CYP2E1: variants seen among roughly 807,000 people sequenced by gnomAD.
CYP2E1 encodes cytochrome P450 family 2 subfamily E member 1.
In CYP2E1, 31 loss-of-function variants were observed where a neutral mutation model predicts 42.9. The ratio of observed to expected loss-of-function variants is 0.72; its 90% confidence interval spans 0.54 to 0.98. CYP2E1 has a LOEUF of 0.98. CYP2E1 is among the 50% of genes least tolerant of loss of function. The pLI, the probability that CYP2E1 is intolerant of heterozygous loss-of-function variation, is 0.00. For missense variants in CYP2E1, 565 were observed against 633.2 expected (o/e 0.89, Z 1.16); for synonymous variants, 244 against 248.9 (o/e 0.98, Z 0.19).
In CYP2E1 at chr10:133,532,400, C is replaced by G. The variant is rs576234120; in HGVS notation, c.648+116C>G. 16 of 1,042,412 alleles carry G rather than the reference C, an allele frequency of 1.5e-5. No homozygotes were observed. In the Admixed American group the frequency reaches 2.3e-4, roughly 15 times the overall value. 64.6% of individuals were successfully genotyped at this position (1,042,412 alleles called of 1,614,324 possible). On this transcript the variant is annotated intron_variant, in intron 4 of 8. Transcript: ENST00000252945. ...CTGCAAAAGCCAAACAACATAGCTT[C>G]GAGGGGTGTTTGATTAGACAGCCCA...
In CYP2E1 at chr10:133,531,710, C is replaced by T. The variant is rs1255938393; in HGVS notation, c.463C>T (p.Leu155=). The change falls in exon 3 of 9, where the codon CTG becomes TTG. Residue 155 remains leucine (L), a synonymous_variant. Transcript: ENST00000252945. ...GATCCAGAGGGAGGCCCACTTCCTG[C>T]TGGAAGCACTCAGGAAGACCCAAGG... ...SRIQREAHFL[L]EALRKTQGQP... The T allele has an allele frequency of 3.7e-6, 6 of 1,605,386 alleles. No homozygotes were observed. Among genetic ancestry groups the T allele is most frequent in the African/African-American group, 1.3e-5 (1 of 74,856 alleles).
At chr10:133,531,204 CGATA>C (rs1564847858) in intron 2 of CYP2E1, among the ~76,000 whole-genome samples, 1 of 151,898 alleles carries the variant, frequency 6.6e-6, no homozygotes, top group African/African-American at 2.4e-5. Context: ...AGAATGTTGT[CGATA>C]GATAGGAAAG....
chr10:133,533,006 T>G, intron 5 of CYP2E1, 138 bp downstream of exon 5: 1 of 836,484 alleles, frequency 1.2e-6, no homozygotes. Context: ...CACACACTCT[T>G]GGCTTCAGCA....
intron 1 of CYP2E1, chr10:133,528,195 G>A: frequency 3.0e-6 from 1 of 337,476 alleles, no homozygotes; most frequent in Non-Finnish European, 5.5e-6. Flanking sequence ...GCGCGCCTGA[G>A]GGAAGGGACG....
Position 133,532,819 on chromosome 10 carries a change from C to T in CYP2E1, c.776C>T (p.Pro259Leu). ...RVKEHHQSLD[P>L]NCPRDLTDCL... ...AAGGAGCACCATCAATCTCTGGACC[C>T]CAACTGTCCCCGGGACCTCACCGAC... Residue 259 changes from proline to leucine, a missense_variant, in exon 5 of 9, where the codon CCC becomes CTC. Coordinates refer to ENST00000252945, the MANE Select transcript of CYP2E1 (RefSeq NM_000773.4). The T allele has an allele frequency of 1.2e-6, 2 of 1,613,052 alleles. No individual in the cohort carries two copies. The highest frequency in any genetic ancestry group is 2.7e-5 in the African/African-American group (2 of 74,936).
At chr10:133,527,730 C>G (rs1851287273) in intron 1 of CYP2E1, among the ~76,000 whole-genome samples, 158 bp downstream of exon 1, 1 of 152,336 alleles carries the variant, frequency 6.6e-6, no homozygotes, top group East Asian at 1.9e-4. Flanking sequence ...CAAAATGTGT[C>G]GCCTGTGGTG....
intron 6 of CYP2E1, among the ~76,000 whole-genome samples, chr10:133,536,733 ATGGATGGGTGGGTGGG>A (rs1851406890): frequency 5.3e-5 from 1 of 18,920 alleles, no homozygotes; most frequent in African/African-American, 7.5e-5. Context: ...GGATGGTTGG[ATGGATGGGTGGGTGGG>A]TGGATGGATG....
chr10:133,538,708 T>C, intron 8 of CYP2E1, 72 bp from the exon 9 acceptor site: 2 of 1,373,746 alleles, frequency 1.5e-6, no homozygotes, highest in South Asian at 1.3e-5. Context: ...CCGCTTCCCC[T>C]AGTCTCACTG....
intron 2 of CYP2E1, among the ~76,000 whole-genome samples, chr10:133,531,262 G>A (rs1387073244): frequency 1.3e-5 from 2 of 152,168 alleles, no homozygotes; most frequent in Admixed American, 1.3e-4. Flanking sequence ...GTTTTATGTA[G>A]CATGGGGAAG....
In CYP2E1 at chr10:133,537,365, A is replaced by G. The variant is rs554134088; in HGVS notation, c.1155+115A>G. ...CCCTTCCCTTTGGCAGGGGTCACTG[A>G]GGGGAAGGGCTGGCCCCACTCCCAC... On this transcript the variant is annotated intron_variant, in intron 7 of 8. Coordinates refer to ENST00000252945, the MANE Select transcript of CYP2E1 (RefSeq NM_000773.4). The G allele has an allele frequency of 1.0e-5, 11 of 1,098,610 alleles. No individual in the cohort carries two copies. The South Asian group carries it at 1.7e-4, about 17-fold the overall frequency. 68.1% of individuals were successfully genotyped at this position (1,098,610 alleles called of 1,614,324 possible). A position where few individuals can be genotyped will look rare whatever the true frequency, so the allele number is the denominator to read the frequency against.
rs2133593090 is a variant in CYP2E1 at position 133,528,481 on chromosome 10, T to C, written c.178T>C (p.Leu60=). 2 of 1,612,690 alleles carry C rather than the reference T, an allele frequency of 1.2e-6. No individual in the cohort carries two copies. Among genetic ancestry groups the C allele is most frequent in the Non-Finnish European group, 1.7e-6 (2 of 1,179,724 alleles). Reference sequence around the variant, plus strand: ...GACTTCTAGCCACGGGTCTCCGCAGTTGGCCCAGCGCTTCGGGCCGGTGTT... The same window carrying C: ...GACTTCTAGCCACGGGTCTCCGCAGCTGGCCCAGCGCTTCGGGCCGGTGTT... The part of the protein sequence containing the change: ...LKNIPKSFTR[L]AQRFGPVFTL... Residue 60 remains leucine (L), a splice_region_variant and synonymous_variant, in exon 2 of 9, where the codon TTG becomes CTG. Coordinates refer to ENST00000252945, the MANE Select transcript of CYP2E1 (RefSeq NM_000773.4).
In CYP2E1 at chr10:133,538,996, T is replaced by A; in HGVS notation, c.*32T>A. ...GGAGGACACCCTGAACCCCCCGCTT[T>A]CAAACAAGTTTTCAAATTGTTTGAG... On this transcript the variant is annotated 3_prime_UTR_variant, in exon 9 of 9. Transcript: ENST00000252945. 1 of 1,532,908 alleles carries A rather than the reference T, an allele frequency of 6.5e-7. No homozygotes were observed. The highest frequency in any genetic ancestry group is 8.8e-7 in the Non-Finnish European group (1 of 1,137,690). The allele number at this position is 1,532,908 out of a possible 1,614,324, so 95.0% of individuals were successfully genotyped here. A position where few individuals can be genotyped will look rare whatever the true frequency, so the allele number is the denominator to read the frequency against.
In CYP2E1 at chr10:133,538,592, G is replaced by A. The variant is rs569594217; in HGVS notation, c.1298-188G>A. ...TGAAGACTGGTCCCCGAATTAGTCAGTGTTGCTGGTATCCTTCCACTCAAG... is the reference window on the plus strand; with the variant it reads ...TGAAGACTGGTCCCCGAATTAGTCAATGTTGCTGGTATCCTTCCACTCAAG... On this transcript the variant is annotated intron_variant, in intron 8 of 8. Transcript: ENST00000252945. Among the ~76,000 whole-genome samples, 14 of 152,284 alleles carry A rather than the reference G, an allele frequency of 9.2e-5. No homozygotes were observed. The South Asian group carries it at 2.9e-3, about 32-fold the overall frequency.
intron 1 of CYP2E1, 125 bp from the exon 2 acceptor site, chr10:133,528,356 C>A: frequency 8.5e-7 from 1 of 1,178,434 alleles, no homozygotes; most frequent in Non-Finnish European, 1.2e-6. Context: ...ACAAAGACAG[C>A]TTTTCCCCAC....
Position 133,539,105 on chromosome 10 carries a change from C to T in CYP2E1, c.*141C>T. On this transcript the variant is annotated 3_prime_UTR_variant, in exon 9 of 9. Transcript: ENST00000252945. ...TTCCCAGAATATAAATAAATCATCA[C>T]ATGATTATTTTAACTATATGTTAAG... The T allele has an allele frequency of 1.8e-6, 1 of 551,502 alleles. No homozygotes were observed. The highest frequency in any genetic ancestry group is 3.0e-6 in the Non-Finnish European group (1 of 337,538). 34.2% of individuals were successfully genotyped at this position (551,502 alleles called of 1,614,324 possible).
At chr10:133,531,139 G>A (rs1388278658) in intron 2 of CYP2E1, among the ~76,000 whole-genome samples, 1 of 152,100 alleles carries the variant, frequency 6.6e-6, no homozygotes, top group Non-Finnish European at 1.5e-5. Flanking sequence ...TGCAAGTTGA[G>A]GTGTGTGTGG....
intron 5 of CYP2E1, 87 bp from the exon 6 acceptor site, chr10:133,533,669 T>C: frequency 6.9e-7 from 1 of 1,458,906 alleles, no homozygotes; most frequent in South Asian, 1.3e-5. Flanking sequence ...CTGTCTCCTG[T>C]GTCCCTGTGG....
chr10:133,527,854 C>A (rs1048391173), intron 1 of CYP2E1, among the ~76,000 whole-genome samples: 1 of 152,364 alleles, frequency 6.6e-6, no homozygotes, highest in Admixed American at 6.5e-5. Context: ...CCAGGATAAC[C>A]GGGCTGGCGG....
chr10:133,533,996 T>G lies in CYP2E1; in HGVS notation c.967+99T>G. On this transcript the variant is annotated intron_variant, in intron 6 of 8. Coordinates refer to ENST00000252945, the MANE Select transcript of CYP2E1 (RefSeq NM_000773.4). ...CTGCAGCTTTCTGTCTGAAGCTGCT[T>G]GTTAACCCTCATGGTGATGTGGTGA... 5 of 1,310,476 alleles carry G rather than the reference T, an allele frequency of 3.8e-6. No homozygotes were observed. The South Asian group carries it at 6.7e-5, about 17-fold the overall frequency. The allele number at this position is 1,310,476 out of a possible 1,614,324, so 81.2% of individuals were successfully genotyped here.
Sources: allele counts gnomAD v4.1 joint callset (sites outside exome capture counted in the v4.1 genomes callset), GRCh38; gene constraint gnomAD v4.1.1; transcripts MANE v1.5; gene names NCBI Gene and HGNC (gene_info 2026-07-23, HGNC 2026-07-21).